Variants in DDX31 observed in about 807,000 individuals in gnomAD.
DDX31 encodes ATP-dependent DNA helicase DDX31.
In DDX31, 70 loss-of-function variants were observed where a neutral mutation model predicts 91.3. That is an observed-to-expected ratio of 0.77 (90% CI 0.63 to 0.94). DDX31 has a LOEUF of 0.94. Ranked by LOEUF, DDX31 falls within the 40% of genes least tolerant of loss-of-function variation. The pLI is 0.00. For missense variants in DDX31, 902 were observed against 925.0 expected (o/e 0.98, Z 0.32); for synonymous variants, 362 against 350.6 (o/e 1.03, Z -0.36).
At chr9:132,664,400 T>TAA (rs1006884212) in intron 1 of DDX31, among the ~76,000 whole-genome samples, 11 of 152,274 alleles carry the variant, frequency 7.2e-5, no homozygotes, top group African/African-American at 2.6e-4. Flanking sequence ...CCATTGCTCT[T>TAA]AGGCTGAACT....
intron 19 of DDX31, among the ~76,000 whole-genome samples, chr9:132,604,114 G>A (rs1830873734): frequency 6.6e-6 from 1 of 152,212 alleles, no homozygotes; most frequent in Admixed American, 6.5e-5. Context: ...GGGGTGTGCT[G>A]AGAGGGGAAG....
chr9:132,620,241 A>G (rs1485681701), intron 17 of DDX31, among the ~76,000 whole-genome samples: 5 of 152,086 alleles, frequency 3.3e-5, no homozygotes, highest in African/African-American at 1.2e-4. Context: ...GCCTCAAATT[A>G]AAGACAGCCT....
At chr9:132,607,202 T>C (rs901667411) in intron 19 of DDX31, among the ~76,000 whole-genome samples, 1 of 152,188 alleles carries the variant, frequency 6.6e-6, no homozygotes, top group African/African-American at 2.4e-5. Flanking sequence ...CTTCCCCTCT[T>C]CCTACTGATC....
intron 6 of DDX31, among the ~76,000 whole-genome samples, chr9:132,655,769 A>C (rs527392728): frequency 3.3e-5 from 5 of 152,362 alleles, no homozygotes; most frequent in Non-Finnish European, 7.3e-5. Context: ...GAATGAATGA[A>C]CAAAACAACG....
In DDX31 at chr9:132,661,195, C is replaced by A. The variant is rs1416276758; in HGVS notation, c.452+13G>T. ...TAATGCCTAAGAAATCAAGAGGAGC[C>A]TGAAGTTCTTACCTGGTCATACTAG... On this transcript the variant is annotated intron_variant, in intron 4 of 19. Transcript: ENST00000372159. 1 of 1,609,362 alleles carries A rather than the reference C, an allele frequency of 6.2e-7. No homozygotes were observed. The highest frequency in any genetic ancestry group is 2.2e-5 in the East Asian group (1 of 44,884).
At chr9:132,663,609 T>A in intron 1 of DDX31, 1 of 804,186 alleles carries the variant, frequency 1.2e-6, no homozygotes, top group Non-Finnish European at 1.5e-6. Context: ...CCAGTGCTTG[T>A]TATTCTGGAG....
chr9:132,613,242 G>A (rs1176505046), intron 18 of DDX31, among the ~76,000 whole-genome samples: 1 of 152,124 alleles, frequency 6.6e-6, no homozygotes, highest in Non-Finnish European at 1.5e-5. Context: ...AACCAATACA[G>A]AGCTTCTTGC....
At chr9:132,600,608 G>A (rs570432991) in intron 19 of DDX31, among the ~76,000 whole-genome samples, 1 of 151,998 alleles carries the variant, frequency 6.6e-6, no homozygotes, top group Non-Finnish European at 1.5e-5. Context: ...AAAGAGGAGA[G>A]ATCATATTTA....
chr9:132,645,017 T>C (rs970431152), intron 13 of DDX31, among the ~76,000 whole-genome samples: 1 of 152,218 alleles, frequency 6.6e-6, no homozygotes, highest in East Asian at 1.9e-4. Context: ...GTCAAACCTC[T>C]AGTGTCCCTT....
intron 14 of DDX31, among the ~76,000 whole-genome samples, chr9:132,633,273 G>A (rs1180296106): frequency 3.3e-5 from 5 of 152,160 alleles, no homozygotes; most frequent in African/African-American, 1.2e-4. Context: ...TGCTGCTGGT[G>A]GGAATCCCTA....
chr9:132,606,822 A>T (rs2119248492), intron 19 of DDX31, among the ~76,000 whole-genome samples: 1 of 152,282 alleles, frequency 6.6e-6, no homozygotes, highest in Non-Finnish European at 1.5e-5. Context: ...GGCAAGGGAG[A>T]GGGCTAACGG....
At chr9:132,659,574 A>C in intron 5 of DDX31, 136 bp downstream of exon 5, 1 of 726,408 alleles carries the variant, frequency 1.4e-6, no homozygotes, top group African/African-American at 1.8e-5. Flanking sequence ...TCAGGGCTCT[A>C]ATCAAAAGCA....
At chr9:132,646,753 C>T in intron 12 of DDX31, 70 bp downstream of exon 12, 1 of 1,495,024 alleles carries the variant, frequency 6.7e-7, no homozygotes, top group Admixed American at 1.7e-5. Flanking sequence ...ACTCATTGCT[C>T]CCAATGGCTT....
intron 19 of DDX31, among the ~76,000 whole-genome samples, chr9:132,600,005 G>A (rs1830645701): frequency 6.6e-6 from 1 of 152,254 alleles, no homozygotes. Flanking sequence ...GGTTTTGGTG[G>A]CTCTCAGGTC....
chr9:132,610,534 G>C (rs1831264428), intron 19 of DDX31, among the ~76,000 whole-genome samples: 1 of 152,176 alleles, frequency 6.6e-6, no homozygotes, highest in Non-Finnish European at 1.5e-5. Context: ...GTCCCCCAGA[G>C]AGGTCAAGTT....
chr9:132,635,498 C>T lies in DDX31; in HGVS notation c.1441-3407G>A, dbSNP rs938400441. 6.3e-5 allele frequency among the ~76,000 whole-genome samples: 8 copies of T among 126,894 alleles called. No homozygotes were observed. The South Asian group carries it at 1.6e-3, about 25-fold the overall frequency. The allele number at this position is 126,894 out of a possible 152,430, so 83.2% of individuals were successfully genotyped here. A position where few individuals can be genotyped will look rare whatever the true frequency, so the allele number is the denominator to read the frequency against. ...TTTTTGAGATGGAGTCTCGCTCTGT[C>T]GCCCAGGCTGGAGTGCAGTGGTCTT... is the stretch of plus-strand genomic sequence containing the variant. On this transcript the variant is annotated intron_variant, in intron 14 of 19. Transcript: ENST00000372159.
In DDX31 at chr9:132,648,425, G is replaced by A. The variant is rs368761563; in HGVS notation, c.860+7C>T. ...TCTACCTGTTATCATCCTGGGACGA[G>A]GCTCACCTGTCTGCTTCATCAAACA... is the stretch of plus-strand genomic sequence containing the variant. On this transcript the variant is annotated splice_region_variant and intron_variant, in intron 10 of 19. Coordinates refer to ENST00000372159, the MANE Select transcript of DDX31 (RefSeq NM_022779.9). 11 of 1,612,702 alleles carry A rather than the reference G, an allele frequency of 6.8e-6. No individual in the cohort carries two copies. The highest frequency in any genetic ancestry group is 7.6e-6 in the Non-Finnish European group (9 of 1,179,612).
chr9:132,646,538 T>A (rs1448807134), intron 12 of DDX31, among the ~76,000 whole-genome samples: 2 of 152,140 alleles, frequency 1.3e-5, no homozygotes, highest in Non-Finnish European at 2.9e-5. Flanking sequence ...TACGTCTGCC[T>A]CACATCCAGC....
At chr9:132,638,525 T>C (rs1244458358) in intron 14 of DDX31, among the ~76,000 whole-genome samples, 1 of 152,326 alleles carries the variant, frequency 6.6e-6, no homozygotes, top group South Asian at 2.1e-4. Context: ...TAGATCTAGT[T>C]TTCCAGAAGA....
Sources: gnomAD v4.1 joint callset for allele counts (sites outside exome capture counted in the v4.1 genomes callset) on GRCh38, gnomAD v4.1.1 for gene constraint, MANE v1.5 for transcripts, NCBI Gene and HGNC (gene_info 2026-07-23, HGNC 2026-07-21) for gene names.